The following EXOC4 variants were observed in gnomAD, a reference collection of about 807,000 sequenced individuals.
EXOC4 encodes the protein exocyst complex component 4, also known as SEC8-like 1.
EXOC4 carries 71 observed loss-of-function variants against 107.2 expected under a neutral mutation model. That is an observed-to-expected ratio of 0.66 (90% CI 0.55 to 0.81). The LOEUF is 0.81. Ranked by LOEUF, EXOC4 falls within the 30% of genes least tolerant of loss-of-function variation. The pLI is 0.00. For synonymous variants in EXOC4, 456 were observed against 441.2 expected, an observed-to-expected ratio of 1.03 and a Z score of -0.42; for missense variants, 1,108 against 1,189.6, an observed-to-expected ratio of 0.93 and a Z score of 1.01.
At chr7:133,741,270 G>A (rs746265133) in intron 10 of EXOC4, among the ~76,000 whole-genome samples, 2 of 152,074 alleles carry the variant, frequency 1.3e-5, no homozygotes, top group Non-Finnish European at 2.9e-5. Context: ...ATTCATACCA[G>A]CTTGTCTCTC....
intron 11 of EXOC4, among the ~76,000 whole-genome samples, chr7:133,859,782 T>A (rs1412599596): frequency 6.6e-6 from 1 of 152,186 alleles, no homozygotes; most frequent in African/African-American, 2.4e-5. Context: ...AAAAACAGTA[T>A]TTTTTTAATG....
chr7:133,629,906 A>T (rs1249259347), intron 9 of EXOC4, 139 bp from the exon 10 acceptor site: 2 of 604,444 alleles, frequency 3.3e-6, no homozygotes, highest in Non-Finnish European at 5.9e-6. Flanking sequence ...CATTCAAAAT[A>T]ATTTCGTACA....
chr7:134,061,363 C>A (rs372523748), intron 17 of EXOC4, among the ~76,000 whole-genome samples: 7 of 152,168 alleles, frequency 4.6e-5, no homozygotes, highest in Admixed American at 3.9e-4. Flanking sequence ...TTCTCTGATG[C>A]GTTTAGGTCC....
chr7:133,953,464 G>A (rs1223472429), intron 14 of EXOC4, among the ~76,000 whole-genome samples: 2 of 149,092 alleles, frequency 1.3e-5, no homozygotes, highest in Non-Finnish European at 3.0e-5. Context: ...AATTAGCCAG[G>A]TGTGGCCCCA....
chr7:133,437,988 C>G (rs13241734), intron 7 of EXOC4, among the ~76,000 whole-genome samples: 39,380 of 152,000 alleles, frequency 0.26, 5,701 homozygotes, highest in South Asian at 0.39. Flanking sequence ...TTAAAAGCTC[C>G]TCTTCTCTTG....
At chr7:134,096,537 G>A in the EXOC4 span, among the ~76,000 whole-genome samples, 1 of 152,178 alleles carries the variant, frequency 6.6e-6, no homozygotes, top group East Asian at 1.9e-4. Context: ...CCATCTGCAA[G>A]CTGAGGAGCA....
At chr7:133,506,821 G>A (rs1052340114) in intron 9 of EXOC4, among the ~76,000 whole-genome samples, 66 of 151,970 alleles carry the variant, frequency 4.3e-4, no homozygotes, top group African/African-American at 1.5e-3. Flanking sequence ...GCCAGGTTTA[G>A]CATATTTTTT....
At chr7:134,059,924 A>G (rs1473217145) in intron 17 of EXOC4, among the ~76,000 whole-genome samples, 1 of 152,210 alleles carries the variant, frequency 6.6e-6, no homozygotes, top group African/African-American at 2.4e-5. Context: ...AGATCTGCCC[A>G]CCTTTCCAAA....
chr7:133,719,227 G>T (rs193082085), intron 10 of EXOC4, among the ~76,000 whole-genome samples: 1 of 152,230 alleles, frequency 6.6e-6, no homozygotes, highest in East Asian at 1.9e-4. Flanking sequence ...GATGTGACTT[G>T]CTCCTCCTTG....
intron 10 of EXOC4, among the ~76,000 whole-genome samples, chr7:133,754,531 A>G (rs1424327691): frequency 6.6e-6 from 1 of 152,162 alleles, no homozygotes; most frequent in East Asian, 1.9e-4. Context: ...GAACATAACC[A>G]TTTAAGGAAT....
At chr7:133,529,036 G>A (rs1382391293) in intron 9 of EXOC4, among the ~76,000 whole-genome samples, 1 of 152,050 alleles carries the variant, frequency 6.6e-6, no homozygotes, top group Non-Finnish European at 1.5e-5. Context: ...GCCTCCCCTG[G>A]CATCCTGAAG....
chr7:133,861,372 A>G (rs1481416631), intron 11 of EXOC4, among the ~76,000 whole-genome samples: 1 of 152,192 alleles, frequency 6.6e-6, no homozygotes, highest in Non-Finnish European at 1.5e-5. Context: ...CAATTTATCT[A>G]CATGACAAAC....
chr7:133,507,586 C>T (rs981114724), intron 9 of EXOC4, among the ~76,000 whole-genome samples: 2 of 152,114 alleles, frequency 1.3e-5, no homozygotes, highest in Non-Finnish European at 2.9e-5. Context: ...TCTTGTCTAG[C>T]AATGGTTGGC....
At chr7:133,699,453 C>A (rs925327302) in intron 10 of EXOC4, among the ~76,000 whole-genome samples, 14 of 152,172 alleles carry the variant, frequency 9.2e-5, no homozygotes, top group African/African-American at 3.4e-4. Flanking sequence ...TCCAGAGAGG[C>A]AAGGGAAGGT....
intron 9 of EXOC4, among the ~76,000 whole-genome samples, chr7:133,560,812 T>C (rs1161868976): frequency 6.6e-6 from 1 of 152,216 alleles, no homozygotes; most frequent in Non-Finnish European, 1.5e-5. Flanking sequence ...TATATACATT[T>C]AGGCATATCA....
intron 10 of EXOC4, among the ~76,000 whole-genome samples, chr7:133,655,527 T>G (rs1803269853): frequency 6.6e-6 from 1 of 152,216 alleles, no homozygotes; most frequent in Non-Finnish European, 1.5e-5. Context: ...TTTTATATCC[T>G]TATAGATGTT....
At chr7:133,787,650 A>C (rs1047832680) in intron 10 of EXOC4, among the ~76,000 whole-genome samples, 4 of 151,532 alleles carry the variant, frequency 2.6e-5, no homozygotes, top group Non-Finnish European at 4.4e-5. Context: ...TGGCTTACAG[A>C]CGGCCTCCTC....
At chr7:133,906,916 T>C (rs1229071605) in intron 12 of EXOC4, among the ~76,000 whole-genome samples, 4 of 152,154 alleles carry the variant, frequency 2.6e-5, no homozygotes, top group African/African-American at 7.2e-5. Flanking sequence ...TGGCTTCTAA[T>C]AGAACTGTTA....
intron 14 of EXOC4, among the ~76,000 whole-genome samples, chr7:133,966,937 C>T (rs1215870599): frequency 6.6e-6 from 1 of 152,154 alleles, no homozygotes; most frequent in Non-Finnish European, 1.5e-5. Context: ...TGGAATTCAG[C>T]TGTGAATTCG....
Sources: allele counts gnomAD v4.1 joint callset (sites outside exome capture counted in the v4.1 genomes callset), GRCh38; gene constraint gnomAD v4.1.1; transcripts MANE v1.5; gene names NCBI Gene and HGNC (gene_info 2026-07-23, HGNC 2026-07-21).